Variants in PRKN observed in about 807,000 individuals in gnomAD.
The protein encoded by PRKN is parkin RBR E3 ubiquitin protein ligase, also known as E3 ubiquitin-protein ligase parkin.
Under a neutral mutation model 59.5 loss-of-function variants are expected in PRKN, and 56 were observed. That is an observed-to-expected ratio of 0.94 (90% CI 0.76 to 1.18). PRKN has a LOEUF of 1.18. PRKN is among the 50% of genes most tolerant of loss of function. The pLI is 0.00. For synonymous variants in PRKN, 250 were observed against 222.1 expected (o/e 1.13, Z -1.12); for missense variants, 657 against 596.4 (o/e 1.10, Z -1.06).
At chr6:161,947,868 G>GA (rs1779839504) in intron 6 of PRKN, among the ~76,000 whole-genome samples, 1 of 152,168 alleles carries the variant, frequency 6.6e-6, no homozygotes. Context: ...ATTAGAGTTT[G>GA]AAACCAAACC....
At chr6:161,920,331 C>A (rs1275417301) in intron 6 of PRKN, among the ~76,000 whole-genome samples, 4 of 151,822 alleles carry the variant, frequency 2.6e-5, no homozygotes, top group African/African-American at 7.3e-5. Flanking sequence ...TTGCAGTGAG[C>A]CAAGATTGTG....
intron 2 of PRKN, among the ~76,000 whole-genome samples, chr6:162,326,300 A>G (rs931232998): frequency 2.0e-5 from 3 of 152,142 alleles, no homozygotes; most frequent in Non-Finnish European, 4.4e-5. Flanking sequence ...AGTCAGGCAA[A>G]ATTAAGTCAT....
In PRKN at chr6:161,803,423, C is replaced by T. The variant is rs768983816; in HGVS notation, c.735-17515G>A. Among the ~76,000 whole-genome samples, 11 of 152,310 alleles carry T rather than the reference C, an allele frequency of 7.2e-5. No homozygotes were observed. The South Asian group carries it at 1.0e-3, about 14-fold the overall frequency. ...GTAGTGTATGTGACATAATCCAGTA[C>T]GTGGCATGTGCTTGTTTGGTGAGGC... On this transcript the variant is annotated intron_variant, in intron 6 of 11. Coordinates refer to ENST00000366898, the MANE Select transcript of PRKN (RefSeq NM_004562.3).
chr6:161,561,756 A>G lies in PRKN; in HGVS notation c.933+7599T>C, dbSNP rs1780462849. On this transcript the variant is annotated intron_variant, in intron 8 of 11. Coordinates refer to ENST00000366898, the MANE Select transcript of PRKN (RefSeq NM_004562.3). This position sits in a 1 kb window ranked among gnomAD's most constrained non-coding sequence, Gnocchi z 5.0. ...TCATCTCTGTGGAATCCTTCCTGTGAGTGTAAAACAAGTTCTGGCCCTTCG... is the reference window on the plus strand; with the variant it reads ...TCATCTCTGTGGAATCCTTCCTGTGGGTGTAAAACAAGTTCTGGCCCTTCG... 6.6e-6 allele frequency among the ~76,000 whole-genome samples: 1 copy of G among 152,054 alleles called. No individual in the cohort carries two copies. The highest frequency in any genetic ancestry group is 6.5e-5 in the Admixed American group (1 of 15,270).
chr6:161,923,042 A>C (rs899613996), intron 6 of PRKN, among the ~76,000 whole-genome samples: 3 of 152,260 alleles, frequency 2.0e-5, no homozygotes, highest in African/African-American at 7.2e-5. Flanking sequence ...GGCATCTTGC[A>C]GCATGGCTGG....
intron 2 of PRKN, among the ~76,000 whole-genome samples, chr6:162,286,294 G>A (rs1781188779): frequency 6.6e-6 from 1 of 151,670 alleles, no homozygotes; most frequent in Admixed American, 6.6e-5. Context: ...TCTTGTGTTT[G>A]TTTGTTTGTT....
At chr6:161,969,981 A>G (rs2128250938) in intron 6 of PRKN, among the ~76,000 whole-genome samples, 1 of 152,186 alleles carries the variant, frequency 6.6e-6, no homozygotes, top group East Asian at 1.9e-4. Flanking sequence ...TCCCCACATA[A>G]CGGAATTTTA....
intron 2 of PRKN, among the ~76,000 whole-genome samples, chr6:162,328,196 T>C (rs892773610): frequency 1.8e-4 from 11 of 61,686 alleles, no homozygotes; most frequent in African/African-American, 4.1e-4. Context: ...CCGTCTCTAC[T>C]AAAAATACAA....
intron 7 of PRKN, among the ~76,000 whole-genome samples, chr6:161,754,413 G>A (rs1365816666): frequency 6.6e-6 from 1 of 152,060 alleles, no homozygotes; most frequent in Non-Finnish European, 1.5e-5. Context: ...AACACGCGGG[G>A]CATCCAGGGA....
chr6:162,284,883 C>T (rs1781109781), intron 2 of PRKN, among the ~76,000 whole-genome samples: 1 of 152,140 alleles, frequency 6.6e-6, no homozygotes, highest in African/African-American at 2.4e-5. Flanking sequence ...GAATTCCAAA[C>T]CCCCAGTATC....
At chr6:162,588,841 G>A (rs889493171) in intron 1 of PRKN, among the ~76,000 whole-genome samples, 5 of 152,024 alleles carry the variant, frequency 3.3e-5, no homozygotes, top group Admixed American at 1.3e-4. Context: ...GTGAGCCACC[G>A]CGCCCGGCCC....
chr6:161,857,591 T>G (rs966924282), intron 6 of PRKN, among the ~76,000 whole-genome samples: 1 of 152,246 alleles, frequency 6.6e-6, no homozygotes, highest in Non-Finnish European at 1.5e-5. Flanking sequence ...TGTGCCCATA[T>G]GTCTGTATCT....
intron 7 of PRKN, among the ~76,000 whole-genome samples, chr6:161,599,623 A>T (rs182312816): frequency 6.6e-5 from 10 of 152,322 alleles, no homozygotes; most frequent in Non-Finnish European, 1.3e-4. Context: ...ACTTCCCTTT[A>T]TACCAGGTAA....
intron 1 of PRKN, among the ~76,000 whole-genome samples, chr6:162,453,444 G>A (rs1790719643): frequency 6.6e-6 from 1 of 152,012 alleles, no homozygotes; most frequent in Non-Finnish European, 1.5e-5. Flanking sequence ...TAGGAAAAAG[G>A]CAACTGAAAA....
chr6:161,542,884 T>C (rs1262165189), intron 9 of PRKN, among the ~76,000 whole-genome samples: 3 of 152,212 alleles, frequency 2.0e-5, no homozygotes, highest in Admixed American at 1.3e-4. Context: ...GACTAGATTT[T>C]AATCTCTAGT....
At chr6:161,406,046 C>A (rs912393337) in intron 9 of PRKN, among the ~76,000 whole-genome samples, 1 of 152,004 alleles carries the variant, frequency 6.6e-6, no homozygotes, top group African/African-American at 2.4e-5. Flanking sequence ...GGGGATTGGT[C>A]TGTGGATGGA....
At chr6:162,022,323 C>T (rs1205494382) in intron 5 of PRKN, among the ~76,000 whole-genome samples, 1 of 152,134 alleles carries the variant, frequency 6.6e-6, no homozygotes, top group Non-Finnish European at 1.5e-5. Context: ...TAAGCACTCC[C>T]TTTTCTCTAC....
At position 161,856,809 on chromosome 6, in the gene PRKN, C is replaced by T. The variant is rs557280324; in HGVS notation, c.735-70901G>A. Reference sequence around the variant, plus strand: ...GCTACTCAAGAACATAAAATAAAAGCTCTCAAGTACTAAAATACTGGGCTT... The same window carrying T: ...GCTACTCAAGAACATAAAATAAAAGTTCTCAAGTACTAAAATACTGGGCTT... On this transcript the variant is annotated intron_variant, in intron 6 of 11. Transcript: ENST00000366898. 7.2e-5 allele frequency among the ~76,000 whole-genome samples: 11 copies of T among 152,236 alleles called. No homozygotes were observed. In the East Asian group the frequency reaches 2.1e-3, roughly 29 times the overall value.
chr6:161,916,128 A>G (rs138972809), intron 6 of PRKN, among the ~76,000 whole-genome samples: 46 of 152,378 alleles, frequency 3.0e-4, no homozygotes, highest in African/African-American at 1.1e-3. Flanking sequence ...AGATATTGAG[A>G]ACACTAATAT....
Sources: allele counts gnomAD v4.1 joint callset (sites outside exome capture counted in the v4.1 genomes callset), GRCh38; gene constraint gnomAD v4.1.1; non-coding constraint Gnocchi (gnomAD v3.1); transcripts MANE v1.5; gene names NCBI Gene and HGNC (gene_info 2026-07-23, HGNC 2026-07-21).